Variants in ANO10 observed in about 807,000 individuals in gnomAD.
ANO10 encodes anoctamin 10, also known as anoctamin-10.
ANO10 carries 77 observed loss-of-function variants against 74.7 expected under a neutral mutation model. The observed-to-expected ratio is 1.03, with a 90% CI of 0.86 to 1.25. The LOEUF (loss-of-function observed/expected upper bound fraction) is 1.25, where lower values mean the gene tolerates loss of function less well. ANO10 is among the 50% of genes most tolerant of loss of function. ANO10 has a pLI of 0.00. For synonymous variants in ANO10, 279 were observed against 284.9 expected (o/e 0.98, Z 0.21); for missense variants, 721 against 778.1 (o/e 0.93, Z 0.87).
At chr3:43,622,857 T>C (rs570201365), upstream of ANO10, among the ~76,000 whole-genome samples, 5 of 152,278 alleles carry the variant, frequency 3.3e-5, no homozygotes, top group African/African-American at 1.2e-4. Flanking sequence ...TCCACCACAC[T>C]TTTTGACTTT....
chr3:43,547,615 A>C (rs1306667778), intron 11 of ANO10, among the ~76,000 whole-genome samples: 1 of 152,254 alleles, frequency 6.6e-6, no homozygotes, highest in Non-Finnish European at 1.5e-5. Flanking sequence ...CATAATGGTT[A>C]GAACCTAGAG....
intron 11 of ANO10, among the ~76,000 whole-genome samples, chr3:43,509,523 T>C (rs909739693): frequency 6.6e-6 from 1 of 152,140 alleles, no homozygotes; most frequent in Non-Finnish European, 1.5e-5. Context: ...TCAGAATGGC[T>C]AAAATAAAAA....
At chr3:43,386,743 C>A (rs2092132507) in intron 12 of ANO10, among the ~76,000 whole-genome samples, 1 of 151,014 alleles carries the variant, frequency 6.6e-6, no homozygotes, top group Non-Finnish European at 1.5e-5. Flanking sequence ...GGGGTCATGC[C>A]TGGGCTGCCC....
chr3:43,383,903 T>G (rs2092043290), intron 12 of ANO10, among the ~76,000 whole-genome samples: 1 of 152,136 alleles, frequency 6.6e-6, no homozygotes, highest in Non-Finnish European at 1.5e-5. Context: ...AGCATAGTAC[T>G]GGAAGTCCTA....
intron 6 of ANO10, among the ~76,000 whole-genome samples, chr3:43,575,831 G>A (rs1167839759): frequency 6.6e-6 from 1 of 152,042 alleles, no homozygotes; most frequent in African/African-American, 2.4e-5. Context: ...TAGAGACGGG[G>A]TTTCACCATA....
intron 12 of ANO10, among the ~76,000 whole-genome samples, chr3:43,388,100 A>C (rs1395106785): frequency 6.6e-6 from 1 of 152,162 alleles, no homozygotes; most frequent in Non-Finnish European, 1.5e-5. Flanking sequence ...TAGGTTTTTG[A>C]GAGCAAAGAA....
At chr3:43,583,072 G>T (rs974354063) in intron 4 of ANO10, among the ~76,000 whole-genome samples, 1 of 152,120 alleles carries the variant, frequency 6.6e-6, no homozygotes, top group African/African-American at 2.4e-5. Flanking sequence ...TTCTACTGTA[G>T]AAGACTTCCC....
At chr3:43,683,743 T>A (rs1184786824) in intron 1 of ANO10, among the ~76,000 whole-genome samples, 6 of 151,892 alleles carry the variant, frequency 4.0e-5, no homozygotes, top group Admixed American at 1.3e-4. Context: ...TATAGACCAA[T>A]GGAACAGAAC....
intron 12 of ANO10, among the ~76,000 whole-genome samples, chr3:43,421,074 T>C (rs181985540): frequency 3.7e-4 from 56 of 151,058 alleles, no homozygotes; most frequent in African/African-American, 1.1e-3. Context: ...AATACAAAAA[T>C]TAGCTGGGCA....
At chr3:43,626,295 CTT>C (rs776440890), upstream of ANO10, among the ~76,000 whole-genome samples, 13 of 135,620 alleles carry the variant, frequency 9.6e-5, no homozygotes, top group African/African-American at 1.6e-4. Context: ...ATGTTCTTCA[CTT>C]TTTTTTTTTT....
At chr3:43,496,627 G>C (rs1481664195) in intron 11 of ANO10, among the ~76,000 whole-genome samples, 3 of 151,934 alleles carry the variant, frequency 2.0e-5, no homozygotes, top group African/African-American at 7.3e-5. Context: ...TTTTGGGGGT[G>C]GGGGAGCAGG....
intron 12 of ANO10, among the ~76,000 whole-genome samples, chr3:43,421,967 T>C (rs1190246868): frequency 3.9e-5 from 6 of 152,182 alleles, no homozygotes; most frequent in African/African-American, 1.4e-4. Flanking sequence ...AGTAAATAAA[T>C]GGATACATAA....
chr3:43,519,583 C>T (rs1404037736), intron 11 of ANO10, among the ~76,000 whole-genome samples: 1 of 152,092 alleles, frequency 6.6e-6, no homozygotes, highest in Non-Finnish European at 1.5e-5. Context: ...GGAGCCATTA[C>T]TTGTTTGCTT....
chr3:43,638,602 G>A (rs746203177), intron 1 of ANO10: 5 of 152,172 alleles, frequency 3.3e-5, no homozygotes, highest in Non-Finnish European at 7.3e-5. Context: ...AGTAGCCAGA[G>A]AGCAGCTAGA....
chr3:43,539,537 C>A (rs952535384), intron 11 of ANO10, among the ~76,000 whole-genome samples: 1 of 152,060 alleles, frequency 6.6e-6, no homozygotes, highest in Non-Finnish European at 1.5e-5. Flanking sequence ...TTGTTGAGAG[C>A]GGGAAGCACA....
At chr3:43,440,977 A>G (rs1449016443) in intron 11 of ANO10, among the ~76,000 whole-genome samples, 1 of 152,156 alleles carries the variant, frequency 6.6e-6, no homozygotes, top group Non-Finnish European at 1.5e-5. Context: ...AAAGGAAATT[A>G]GAAAATATCT....
At chr3:43,485,276 T>C in intron 11 of ANO10, 1 of 604,798 alleles carries the variant, frequency 1.7e-6, no homozygotes, top group Non-Finnish European at 3.0e-6. Flanking sequence ...TTTGCCGCCC[T>C]TTGCCACCGT....
At chr3:43,474,227 C>A (rs2075978561) in intron 11 of ANO10, among the ~76,000 whole-genome samples, 1 of 151,976 alleles carries the variant, frequency 6.6e-6, no homozygotes, top group African/African-American at 2.4e-5. Context: ...CCCCCCAACC[C>A]CAATTTCTTC....
chr3:43,511,226 A>G (rs2077496691), intron 11 of ANO10, among the ~76,000 whole-genome samples: 1 of 152,234 alleles, frequency 6.6e-6, no homozygotes, highest in Non-Finnish European at 1.5e-5. Context: ...ATTTATTTAT[A>G]CATTATGGTT....
Sources: allele counts gnomAD v4.1 joint callset (sites outside exome capture counted in the v4.1 genomes callset), GRCh38; gene constraint gnomAD v4.1.1; transcripts MANE v1.5; gene names NCBI Gene and HGNC (gene_info 2026-07-23, HGNC 2026-07-21).